Variants in VPS41 observed in about 807,000 individuals in gnomAD.
VPS41 encodes VPS41 subunit of HOPS complex.
VPS41 carries 85 observed loss-of-function variants against 130.9 expected under a neutral mutation model. The ratio of observed to expected loss-of-function variants is 0.65; its 90% confidence interval spans 0.55 to 0.78. The LOEUF is 0.78. Among genes scored for constraint, VPS41 ranks in the 30% least tolerant of loss-of-function variants. The pLI, the probability that VPS41 is intolerant of heterozygous loss-of-function variation, is 0.00. For missense variants in VPS41, 874 were observed against 1,018.7 expected (o/e 0.86, Z 1.93); for synonymous variants, 335 against 332.9 (o/e 1.01, Z -0.07).
intron 16 of VPS41, among the ~76,000 whole-genome samples, chr7:38,764,623 GA>G (rs148606579): frequency 0.063 from 9,576 of 152,034 alleles, 323 homozygotes; most frequent in Middle Eastern, 0.082. Context: ...GTATTGACAT[GA>G]AAAAAATGAC....
chr7:38,872,632 T>A (rs1033044815), intron 2 of VPS41, among the ~76,000 whole-genome samples: 1 of 152,196 alleles, frequency 6.6e-6, no homozygotes, highest in African/African-American at 2.4e-5. Flanking sequence ...TATGCACAGT[T>A]ATCCATAGGG....
At chr7:38,802,530 T>C (rs919677162) in intron 7 of VPS41, among the ~76,000 whole-genome samples, 2 of 152,268 alleles carry the variant, frequency 1.3e-5, no homozygotes, top group East Asian at 1.9e-4. Context: ...GAAGGGAGAA[T>C]GGCCAAATGA....
intron 4 of VPS41, among the ~76,000 whole-genome samples, chr7:38,855,142 G>A (rs74968089): frequency 0.079 from 11,926 of 150,566 alleles, 952 homozygotes; most frequent in East Asian, 0.32. Flanking sequence ...CCTGGGCGGC[G>A]GAGGTTGCAG....
intron 2 of VPS41, among the ~76,000 whole-genome samples, chr7:38,876,044 C>T (rs912439266): frequency 1.3e-5 from 2 of 152,114 alleles, no homozygotes; most frequent in Non-Finnish European, 2.9e-5. Context: ...TTTTGTCCCC[C>T]AGGGACATTT....
intron 4 of VPS41, among the ~76,000 whole-genome samples, chr7:38,857,066 T>G (rs922013021): frequency 5.9e-5 from 9 of 152,186 alleles, no homozygotes; most frequent in Non-Finnish European, 2.9e-5. Context: ...GACAGAGGTC[T>G]GGGTTTTTAT....
chr7:38,727,326 G>A (rs751399607), intron 27 of VPS41: 17 of 161,926 alleles, frequency 1.0e-4, no homozygotes, highest in Non-Finnish European at 2.0e-4. Context: ...TTGAGTCTGT[G>A]GCTTCATAAA....
chr7:38,868,244 C>T (rs973865494), intron 3 of VPS41, among the ~76,000 whole-genome samples: 1 of 152,096 alleles, frequency 6.6e-6, no homozygotes, highest in African/African-American at 2.4e-5. Context: ...GAAAAGGGGT[C>T]GATGGCATTG....
intron 25 of VPS41, among the ~76,000 whole-genome samples, chr7:38,730,534 T>C (rs1410223480): frequency 6.6e-6 from 1 of 152,220 alleles, no homozygotes; most frequent in Non-Finnish European, 1.5e-5. Context: ...GCCTATGAAG[T>C]TTTATTCTTT....
At chr7:38,809,314 C>T (rs1330740407) in intron 7 of VPS41, among the ~76,000 whole-genome samples, 1 of 148,642 alleles carries the variant, frequency 6.7e-6, no homozygotes. Flanking sequence ...GAAACCCCGT[C>T]TCTACTAAAA....
Position 38,798,995 on chromosome 7 carries a change from C to T in VPS41, c.451-2131G>A, listed in dbSNP as rs550180969. Among the ~76,000 whole-genome samples the T allele has an allele frequency of 1.1e-3, 162 of 152,188 alleles. 1 individual carries two copies. The highest frequency in any genetic ancestry group is 3.8e-3 in the African/African-American group (159 of 41,526). ...CAGGTACTAGAATGCCACAACACCC[C>T]CTACACTCAGTGTAATGGGGCAGGA... On this transcript the variant is annotated intron_variant, in intron 7 of 28. Coordinates refer to ENST00000310301, the MANE Select transcript of VPS41 (RefSeq NM_014396.4).
rs374850424 is a variant in VPS41 at position 38,790,301 on chromosome 7, T to C, written c.718-434A>G. ...TTGTTCCAGCACAAAGAGAACACCA[T>C]TAATAATCTTTTTTATGAAAGCTAC... On this transcript the variant is annotated intron_variant, in intron 9 of 28. Transcript: ENST00000310301. 1.8e-3 allele frequency among the ~76,000 whole-genome samples: 5 copies of C among 2,776 alleles called. No individual in the cohort carries two copies. In the East Asian group the frequency reaches 0.052, roughly 29 times the overall value. The allele number at this position is 2,776 out of a possible 152,430, so 1.8% of individuals were successfully genotyped here.
intron 1 of VPS41, among the ~76,000 whole-genome samples, chr7:38,900,606 C>T (rs1049843284): frequency 7.9e-5 from 12 of 152,226 alleles, no homozygotes; most frequent in African/African-American, 2.2e-4. Context: ...TCAAATTACA[C>T]TCTTTCTCCA....
chr7:38,881,680 T>G (rs534083066), intron 2 of VPS41, among the ~76,000 whole-genome samples: 2 of 152,274 alleles, frequency 1.3e-5, no homozygotes, highest in Non-Finnish European at 2.9e-5. Flanking sequence ...AAAACAATTC[T>G]CCGGTTGAGT....
chr7:38,909,178 G>T lies in VPS41; in HGVS notation c.-4C>A, dbSNP rs753542690. Reference sequence around the variant, plus strand: ...CCTGCTCCTCTGCTTCCGCCATGGCGCCACGGGAGAGTCACCTGACAGACC... The same window carrying T: ...CCTGCTCCTCTGCTTCCGCCATGGCTCCACGGGAGAGTCACCTGACAGACC... On this transcript the variant is annotated 5_prime_UTR_variant, in exon 1 of 29. Transcript: ENST00000310301. 1.8e-5 allele frequency: 29 copies of T among 1,613,998 alleles called. No individual in the cohort carries two copies. Among genetic ancestry groups the T allele is most frequent in the East Asian group, 4.5e-5 (2 of 44,894 alleles).
intron 2 of VPS41, among the ~76,000 whole-genome samples, chr7:38,890,833 G>A (rs1297853824): frequency 6.6e-6 from 1 of 151,954 alleles, no homozygotes; most frequent in African/African-American, 2.4e-5. Flanking sequence ...CTACAGGCAA[G>A]CTCCATCATG....
rs1783806064 is a variant in VPS41, at chr7:38,756,922, T to G, written c.1611A>C (p.Lys537Asn). The G allele has an allele frequency of 6.3e-7, 1 of 1,599,814 alleles. No homozygotes were observed. Among genetic ancestry groups the G allele is most frequent in the Non-Finnish European group, 8.6e-7 (1 of 1,168,002 alleles). Residue 537 changes from lysine (K) to asparagine (N), a missense_variant, in exon 19 of 29, where the codon AAA becomes AAC. By Grantham distance (94) the Lys-to-Asn change is moderately conservative (BLOSUM62 0). Coordinates refer to ENST00000310301, the MANE Select transcript of VPS41 (RefSeq NM_014396.4). ...GCTTGTGGATCAACTGAAAAACGTC[T>G]TTATGTCTTAATGTTAAGTATATTT... is the stretch of plus-strand genomic sequence containing the variant. Reference protein sequence around the residue: ...ALEIYLTLRHKDVFQLIHKHN... With the variant: ...ALEIYLTLRHNDVFQLIHKHN...
At chr7:38,884,032 C>T (rs1786668822) in intron 2 of VPS41, among the ~76,000 whole-genome samples, 3 of 152,200 alleles carry the variant, frequency 2.0e-5, no homozygotes, top group Non-Finnish European at 4.4e-5. Flanking sequence ...AATCTCATAA[C>T]AGGGCACATT....
intron 25 of VPS41, among the ~76,000 whole-genome samples, chr7:38,739,054 GATCTCCCA>G (rs1247280667): frequency 6.6e-6 from 1 of 152,194 alleles, no homozygotes; most frequent in African/African-American, 2.4e-5. Context: ...GCTAATGAAT[GATCTCCCA>G]AAGCAGTGCC....
At chr7:38,771,126 A>G (rs191325662) in intron 14 of VPS41, 72 bp downstream of exon 14, 12,934 of 1,124,782 alleles carry the variant, frequency 0.011, 106 homozygotes, top group Non-Finnish European at 0.015. Flanking sequence ...TGTTCTTTTC[A>G]AATTATTTTC....
Sources: allele counts gnomAD v4.1 joint callset (sites outside exome capture counted in the v4.1 genomes callset), GRCh38; gene constraint gnomAD v4.1.1; transcripts MANE v1.5; gene names NCBI Gene and HGNC (gene_info 2026-07-23, HGNC 2026-07-21).